The following FAM13C variants were observed in gnomAD, a reference collection of about 807,000 sequenced individuals.
FAM13C encodes the protein family with sequence similarity 13 member C.
In FAM13C, 37 loss-of-function variants were observed where a neutral mutation model predicts 73.2. That is an observed-to-expected ratio of 0.51 (90% CI 0.39 to 0.67). The LOEUF is 0.67. Ranked by LOEUF, FAM13C falls within the 30% of genes least tolerant of loss-of-function variation. The probability of loss-of-function intolerance (pLI) is 0.00; values close to 1 mark genes in which losing one functional copy is unlikely to be tolerated. For missense variants in FAM13C, 589 were observed against 715.6 expected (o/e 0.82, Z 2.02); for synonymous variants, 246 against 260.9 (o/e 0.94, Z 0.55).
At chr10:59,337,150 T>C (rs1852822556) in intron 3 of FAM13C, among the ~76,000 whole-genome samples, 1 of 152,208 alleles carries the variant, frequency 6.6e-6, no homozygotes, top group Non-Finnish European at 1.5e-5. Context: ...TGTAATTCTA[T>C]CATTGAAGAA....
chr10:59,358,203 C>A (rs1489628722), intron 1 of FAM13C, among the ~76,000 whole-genome samples: 1 of 152,142 alleles, frequency 6.6e-6, no homozygotes, highest in Non-Finnish European at 1.5e-5. Context: ...CATGGTAAAA[C>A]CCCGTCTCTA....
intron 4 of FAM13C, among the ~76,000 whole-genome samples, chr10:59,321,169 A>C (rs995078259): frequency 6.6e-6 from 1 of 152,168 alleles, no homozygotes; most frequent in Non-Finnish European, 1.5e-5. Context: ...AAATGTAATT[A>C]AGGACCTCGA....
At chr10:59,357,519 CA>C in intron 1 of FAM13C, among the ~76,000 whole-genome samples, 1 of 152,200 alleles carries the variant, frequency 6.6e-6, no homozygotes, top group East Asian at 1.9e-4. Flanking sequence ...ATAATTTAAC[CA>C]GCATTTATTG....
At chr10:59,312,385 C>T (rs2133940201) in intron 4 of FAM13C, among the ~76,000 whole-genome samples, 1 of 152,266 alleles carries the variant, frequency 6.6e-6, no homozygotes, top group Non-Finnish European at 1.5e-5. Flanking sequence ...TCATGAGTCT[C>T]TATCCTTCAC....
chr10:59,352,482 A>C lies in FAM13C; in HGVS notation c.120-8T>G, dbSNP rs764378863. The C allele has an allele frequency of 1.9e-6, 3 of 1,594,326 alleles. No homozygotes were observed. The East Asian group carries it at 6.7e-5, about 36-fold the overall frequency. ...TCTTTATTGTTTTCATCTCTAAAAC[A>C]GGAAAGACCCAATTTAGAAAGTACC... On this transcript the variant is annotated splice_polypyrimidine_tract_variant and splice_region_variant and intron_variant, in intron 2 of 13. Transcript: ENST00000618804.
chr10:59,332,427 C>A (rs994684401), intron 3 of FAM13C, among the ~76,000 whole-genome samples: 2 of 151,846 alleles, frequency 1.3e-5, no homozygotes, highest in African/African-American at 4.8e-5. Context: ...GCAGAGAAGA[C>A]CAAGAAAGAG....
chr10:59,260,555 C>T (rs187368618), intron 10 of FAM13C, among the ~76,000 whole-genome samples: 3 of 152,216 alleles, frequency 2.0e-5, no homozygotes, highest in Admixed American at 2.0e-4. Flanking sequence ...CTTCCTAATC[C>T]CTTTATCTAA....
At chr10:59,290,867 G>T (rs7074065) in intron 5 of FAM13C, among the ~76,000 whole-genome samples, 20,519 of 152,140 alleles carry the variant, frequency 0.13, 1,452 homozygotes, top group South Asian at 0.22. Flanking sequence ...GTATTTGCAG[G>T]GGGGGCAGGG....
At chr10:59,304,812 AGGAAAG>A (rs1848035008) in intron 4 of FAM13C, among the ~76,000 whole-genome samples, 1 of 72,094 alleles carries the variant, frequency 1.4e-5, no homozygotes, top group African/African-American at 4.9e-5. Flanking sequence ...AGGGAAGGGA[AGGAAAG>A]GGGAAGGGGA....
At chr10:59,358,376 T>C (rs571538980) in intron 1 of FAM13C, among the ~76,000 whole-genome samples, 1 of 152,170 alleles carries the variant, frequency 6.6e-6, no homozygotes, top group East Asian at 1.9e-4. Flanking sequence ...AGACTCTGTC[T>C]CATAAAAAAA....
chr10:59,269,749 T>C (rs1022526655), intron 7 of FAM13C, 150 bp downstream of exon 7: 1 of 887,032 alleles, frequency 1.1e-6, no homozygotes, highest in East Asian at 2.7e-5. Context: ...AACTAGCAAG[T>C]ACACTAATTT....
chr10:59,277,110 A>G (rs1844402659), intron 6 of FAM13C, among the ~76,000 whole-genome samples: 1 of 152,210 alleles, frequency 6.6e-6, no homozygotes, highest in South Asian at 2.1e-4. Context: ...ATAGTGGCAG[A>G]TGACTTGCAC....
chr10:59,332,317 AT>A lies in FAM13C; in HGVS notation c.325-8212del, dbSNP rs368742486. ...GATATGTTAATTTATACATTACTTA[AT>A]TGCTTGAATTGTTTAATGAGTATGT... On this transcript the variant is annotated intron_variant, in intron 3 of 13. Coordinates refer to ENST00000618804, the MANE Select transcript of FAM13C (RefSeq NM_198215.4). Among the ~76,000 whole-genome samples, 863 of 152,174 alleles carry A rather than the reference AT, an allele frequency of 5.7e-3. 7 individuals are homozygous for A. Among genetic ancestry groups the A allele is most frequent in the African/African-American group, 0.02 (824 of 41,502 alleles).
rs562637907 is a variant in FAM13C, at chr10:59,352,235, G to A, written c.324+35C>T. The A allele has an allele frequency of 2.9e-5, 46 of 1,610,438 alleles. No homozygotes were observed. The Admixed American group carries it at 6.7e-4, about 23-fold the overall frequency. ...GTGTGGCCTAGCCTAAGAATCACCC[G>A]TCTTGGCAAAAGCCTGAGAAGAGAG... On this transcript the variant is annotated intron_variant, in intron 3 of 13. Transcript: ENST00000618804.
At chr10:59,280,547 A>G (rs1020810588) in intron 6 of FAM13C, among the ~76,000 whole-genome samples, 6 of 152,214 alleles carry the variant, frequency 3.9e-5, no homozygotes, top group Non-Finnish European at 5.9e-5. Context: ...GTCCACTTGA[A>G]TAGTGTGGTT....
chr10:59,274,848 T>C (rs953068478), intron 6 of FAM13C, among the ~76,000 whole-genome samples: 1 of 152,178 alleles, frequency 6.6e-6, no homozygotes, highest in African/African-American at 2.4e-5. Flanking sequence ...GGCTGAACAA[T>C]GTCCTGCCCA....
chr10:59,321,244 C>T (rs923520643), intron 4 of FAM13C, among the ~76,000 whole-genome samples: 4 of 151,970 alleles, frequency 2.6e-5, no homozygotes, highest in Admixed American at 6.6e-5. Flanking sequence ...AAAAATGTTT[C>T]CCAGCCATGA....
intron 3 of FAM13C, among the ~76,000 whole-genome samples, chr10:59,328,138 C>T (rs1451034704): frequency 6.6e-6 from 1 of 152,188 alleles, no homozygotes; most frequent in African/African-American, 2.4e-5. Flanking sequence ...CTGCCAAATG[C>T]AGGGACCATC....
intron 3 of FAM13C, among the ~76,000 whole-genome samples, chr10:59,324,765 C>T (rs1019786988): frequency 6.6e-6 from 1 of 152,004 alleles, no homozygotes; most frequent in African/African-American, 2.4e-5. Context: ...GCCACCACCC[C>T]CTCATACACA....
Sources: allele counts gnomAD v4.1 joint callset (sites outside exome capture counted in the v4.1 genomes callset), GRCh38; gene constraint gnomAD v4.1.1; transcripts MANE v1.5; gene names NCBI Gene and HGNC (gene_info 2026-07-23, HGNC 2026-07-21).